Variants in CNTNAP2 observed in about 807,000 individuals in gnomAD.
The protein encoded by CNTNAP2 is contactin-associated protein-like 2.
CNTNAP2 carries 98 observed loss-of-function variants against 155.2 expected under a neutral mutation model. The observed-to-expected ratio is 0.63, with a 90% CI of 0.54 to 0.75. The LOEUF (loss-of-function observed/expected upper bound fraction) is 0.75, where lower values mean the gene tolerates loss of function less well. CNTNAP2 is among the 30% of genes least tolerant of loss of function. The pLI, the probability that CNTNAP2 is intolerant of heterozygous loss-of-function variation, is 0.00. For missense variants in CNTNAP2, 1,727 were observed against 1,688.1 expected, an observed-to-expected ratio of 1.02 and a Z score of -0.40; for synonymous variants, 651 against 631.2, an observed-to-expected ratio of 1.03 and a Z score of -0.47.
chr7:147,596,270 A>C (rs919472308), intron 12 of CNTNAP2, among the ~76,000 whole-genome samples: 1 of 152,114 alleles, frequency 6.6e-6, no homozygotes, highest in African/African-American at 2.4e-5. Flanking sequence ...TACCTGCCAT[A>C]TCCAACCCAC....
At chr7:146,291,595 G>A (rs1180108249) in intron 1 of CNTNAP2, among the ~76,000 whole-genome samples, 1 of 152,146 alleles carries the variant, frequency 6.6e-6, no homozygotes, top group Non-Finnish European at 1.5e-5. Flanking sequence ...GCTGAAGGCA[G>A]GGATGGTATC....
chr7:147,448,185 CCT>C (rs1266674517), intron 10 of CNTNAP2, among the ~76,000 whole-genome samples: 6 of 151,944 alleles, frequency 3.9e-5, no homozygotes, highest in Admixed American at 2.6e-4. Flanking sequence ...CCTCATCTTC[CCT>C]CTGTTTCTGA....
In CNTNAP2 at chr7:146,257,140, T is replaced by C. The variant is rs556307263; in HGVS notation, c.97+140167T>C. On this transcript the variant is annotated intron_variant, in intron 1 of 23. Coordinates refer to ENST00000361727, the MANE Select transcript of CNTNAP2 (RefSeq NM_014141.6). ...CTTTCCTTTATTTGAACAACTGTTA[T>C]TATGCAGATTTCTTGTTAGAATTAT... 3.9e-5 allele frequency among the ~76,000 whole-genome samples: 6 copies of C among 152,352 alleles called. No individual in the cohort carries two copies. The South Asian group carries it at 1.0e-3, about 26-fold the overall frequency.
At chr7:147,666,350 A>G (rs763093728) in intron 13 of CNTNAP2, among the ~76,000 whole-genome samples, 2 of 152,122 alleles carry the variant, frequency 1.3e-5, no homozygotes, top group South Asian at 2.1e-4. Context: ...CTTAACACCT[A>G]GTGATGTCCC....
intron 15 of CNTNAP2, among the ~76,000 whole-genome samples, chr7:148,015,914 T>A (rs927132384): frequency 1.3e-5 from 2 of 152,234 alleles, no homozygotes; most frequent in Non-Finnish European, 2.9e-5. Flanking sequence ...ATTCAAATTC[T>A]AATCCTTTCC....
chr7:146,322,566 T>C (rs1801023374), intron 1 of CNTNAP2, among the ~76,000 whole-genome samples: 1 of 151,954 alleles, frequency 6.6e-6, no homozygotes, highest in South Asian at 2.1e-4. Context: ...GGAAATCTAT[T>C]GGATCCTCTT....
intron 1 of CNTNAP2, among the ~76,000 whole-genome samples, chr7:146,755,927 G>A (rs1264213262): frequency 6.6e-6 from 1 of 151,786 alleles, no homozygotes; most frequent in Non-Finnish European, 1.5e-5. Context: ...TTCTAAAATA[G>A]AATATACTTT....
chr7:147,234,127 T>A (rs1803745487), intron 8 of CNTNAP2, among the ~76,000 whole-genome samples: 4 of 151,902 alleles, frequency 2.6e-5, no homozygotes, highest in Non-Finnish European at 4.4e-5. Context: ...TACTGAAGAA[T>A]AAACTTTTCT....
intron 2 of CNTNAP2, among the ~76,000 whole-genome samples, chr7:146,836,939 C>A (rs1803629653): frequency 6.6e-6 from 1 of 151,732 alleles, no homozygotes; most frequent in Non-Finnish European, 1.5e-5. Flanking sequence ...TAGGTTGTTT[C>A]ATTGTCATTT....
At chr7:147,238,177 G>A (rs1803857571) in intron 8 of CNTNAP2, among the ~76,000 whole-genome samples, 1 of 152,128 alleles carries the variant, frequency 6.6e-6, no homozygotes, top group Non-Finnish European at 1.5e-5. Flanking sequence ...ACCACGCCCG[G>A]CTAATTTTTT....
chr7:148,045,345 C>T (rs1216710041), intron 15 of CNTNAP2, among the ~76,000 whole-genome samples: 1 of 152,148 alleles, frequency 6.6e-6, no homozygotes, highest in East Asian at 1.9e-4. Context: ...GGGGGCGTTA[C>T]AGCAACAATT....
intron 13 of CNTNAP2, among the ~76,000 whole-genome samples, chr7:147,802,663 G>A (rs1285179127): frequency 1.3e-5 from 2 of 151,798 alleles, no homozygotes; most frequent in Non-Finnish European, 2.9e-5. Context: ...GCAATCGCAG[G>A]CACTCGGCAG....
rs115573152 is a variant in CNTNAP2 at position 147,380,808 on chromosome 7, A to G, written c.1499-14801A>G. 6.7e-3 allele frequency among the ~76,000 whole-genome samples: 1,016 copies of G among 152,268 alleles called. 11 individuals are homozygous for G. The highest frequency in any genetic ancestry group is 0.023 in the African/African-American group (954 of 41,556). On this transcript the variant is annotated intron_variant, in intron 9 of 23. Coordinates refer to ENST00000361727, the MANE Select transcript of CNTNAP2 (RefSeq NM_014141.6). The stretch of plus-strand genomic sequence containing the variant: ...TTTCCTACTAGTTGGGATTGTCCCT[A>G]TCATCTTAATGCAGATAATTGTGAG...
At chr7:146,250,686 C>T (rs1799742307) in intron 1 of CNTNAP2, among the ~76,000 whole-genome samples, 1 of 152,118 alleles carries the variant, frequency 6.6e-6, no homozygotes, top group Non-Finnish European at 1.5e-5. Context: ...TCCAGCAAGG[C>T]CTGCTGTGTA....
chr7:147,676,958 T>C (rs1038620036), intron 13 of CNTNAP2, among the ~76,000 whole-genome samples: 1 of 152,008 alleles, frequency 6.6e-6, no homozygotes, highest in African/African-American at 2.4e-5. Flanking sequence ...TTGTGAATAA[T>C]GCTGCAGCGA....
intron 8 of CNTNAP2, among the ~76,000 whole-genome samples, chr7:147,293,675 C>G (rs545442744): frequency 3.3e-5 from 5 of 151,998 alleles, no homozygotes; most frequent in African/African-American, 1.2e-4. Context: ...TTTCTTTTTT[C>G]AACATTCATT....
intron 1 of CNTNAP2, among the ~76,000 whole-genome samples, chr7:146,726,085 G>T (rs2129178468): frequency 6.6e-6 from 1 of 152,090 alleles, no homozygotes; most frequent in Non-Finnish European, 1.5e-5. Context: ...TATACTTCAG[G>T]GGTATTTTGA....
chr7:147,503,088 G>T (rs1163926866), intron 11 of CNTNAP2, among the ~76,000 whole-genome samples: 1 of 152,140 alleles, frequency 6.6e-6, no homozygotes, highest in Admixed American at 6.5e-5. Flanking sequence ...TTCTCTCACA[G>T]ATTTGCAGTT....
chr7:146,479,956 C>A (rs1796935274), intron 1 of CNTNAP2, among the ~76,000 whole-genome samples: 1 of 151,814 alleles, frequency 6.6e-6, no homozygotes, highest in African/African-American at 2.4e-5. Flanking sequence ...GGCTAATTTT[C>A]GTATTTTTAG....
Sources: gnomAD v4.1 joint callset for allele counts (sites outside exome capture counted in the v4.1 genomes callset) on GRCh38, gnomAD v4.1.1 for gene constraint, MANE v1.5 for transcripts, NCBI Gene and HGNC (gene_info 2026-07-23, HGNC 2026-07-21) for gene names.